The following ETS1 variants were observed in gnomAD, a reference collection of about 807,000 sequenced individuals.
ETS1 encodes ETS proto-oncogene 1, transcription factor, also known as protein C-ets-1.
Under a neutral mutation model 58.6 loss-of-function variants are expected in ETS1, and 15 were observed. That is an observed-to-expected ratio of 0.26 (90% CI 0.17 to 0.39). The LOEUF is 0.39. Ranked by LOEUF, ETS1 falls within the 10% of genes least tolerant of loss-of-function variation. The probability of loss-of-function intolerance (pLI) is 1.00; values close to 1 mark genes in which losing one functional copy is unlikely to be tolerated. For missense variants in ETS1, 417 were observed against 610.5 expected (o/e 0.68, Z 3.34); for synonymous variants, 214 against 218.2 (o/e 0.98, Z 0.17).
chr11:128,527,847 C>T (rs554750858), intron 3 of ETS1, among the ~76,000 whole-genome samples: 3 of 152,340 alleles, frequency 2.0e-5, no homozygotes, highest in African/African-American at 7.2e-5. Flanking sequence ...ATGTTCTCTG[C>T]AGTTGTGGTT....
intron 3 of ETS1, among the ~76,000 whole-genome samples, chr11:128,515,355 C>T (rs1272744813): frequency 1.3e-5 from 2 of 152,088 alleles, no homozygotes; most frequent in Non-Finnish European, 2.9e-5. Flanking sequence ...ATCACAGCTA[C>T]CCAAAGCTAC....
At chr11:128,472,850 T>G (rs1288043632) in intron 8 of ETS1, among the ~76,000 whole-genome samples, 3 of 152,216 alleles carry the variant, frequency 2.0e-5, no homozygotes, top group Non-Finnish European at 4.4e-5. Context: ...TCGCTGCCTT[T>G]TTTTCCTTCA....
rs1027488141 is a variant in ETS1 at position 128,575,908 on chromosome 11, A to G, written c.-14-2764T>C. ...AATTGGCAGCCACATCCTGAAGCCC[A>G]CCTCAAAGATACCAAGGGTTTCTGT... On this transcript the variant is annotated intron_variant, in intron 1 of 9. Coordinates refer to ENST00000392668, the MANE Select transcript of ETS1 (RefSeq NM_001143820.2). Among the ~76,000 whole-genome samples the G allele has an allele frequency of 8.5e-5, 13 of 152,308 alleles. No individual in the cohort carries two copies. The East Asian group carries it at 9.6e-4, about 11-fold the overall frequency.
chr11:128,461,155 G>C lies in ETS1; in HGVS notation c.*1206C>G, dbSNP rs1315923858. On this transcript the variant is annotated 3_prime_UTR_variant, in exon 10 of 10. Transcript: ENST00000392668. ...ACTGAATAACAGAGTTGGCGGTGAGGGGGTGCAAAAAATGGAGGACTCTTG... is the reference window on the plus strand; with the variant it reads ...ACTGAATAACAGAGTTGGCGGTGAGCGGGTGCAAAAAATGGAGGACTCTTG... The C allele has an allele frequency of 1.3e-5, 2 of 152,506 alleles. No individual in the cohort carries two copies. Among genetic ancestry groups the C allele is most frequent in the Non-Finnish European group, 2.9e-5 (2 of 67,984 alleles). 9.4% of individuals were successfully genotyped at this position (152,506 alleles called of 1,614,324 possible).
intron 3 of ETS1, among the ~76,000 whole-genome samples, chr11:128,520,582 T>C (rs1345532418): frequency 2.6e-5 from 4 of 152,242 alleles, no homozygotes; most frequent in Admixed American, 2.6e-4. Context: ...ATTTCTGAAT[T>C]GTAGGCCTAA....
chr11:128,541,244 G>C (rs1440987592), intron 3 of ETS1, among the ~76,000 whole-genome samples: 3 of 152,190 alleles, frequency 2.0e-5, no homozygotes, highest in Non-Finnish European at 2.9e-5. Context: ...ACACTTCATA[G>C]CCCCAACGCC....
chr11:128,533,809 T>A (rs908577638), intron 3 of ETS1, among the ~76,000 whole-genome samples: 1 of 152,260 alleles, frequency 6.6e-6, no homozygotes. Flanking sequence ...AGCAATCATA[T>A]TCTACTTAAA....
chr11:128,577,915 C>CA (rs543543374), intron 1 of ETS1, among the ~76,000 whole-genome samples: 55,436 of 133,558 alleles, frequency 0.42, 11,012 homozygotes, highest in Non-Finnish European at 0.46. Context: ...GCCAAAAAGC[C>CA]AAAAAAAAAA....
chr11:128,496,269 G>A (rs988094934), intron 3 of ETS1, among the ~76,000 whole-genome samples: 1 of 152,028 alleles, frequency 6.6e-6, no homozygotes, highest in Non-Finnish European at 1.5e-5. Flanking sequence ...AAGTGCCAAT[G>A]TTGGATCACA....
chr11:128,558,878 A>G (rs1456264388), intron 2 of ETS1, among the ~76,000 whole-genome samples: 3 of 152,196 alleles, frequency 2.0e-5, no homozygotes, highest in Non-Finnish European at 4.4e-5. Context: ...AGTCTTATAA[A>G]TCAAGCCTTG....
chr11:128,559,181 C>T (rs1433645104), intron 2 of ETS1, among the ~76,000 whole-genome samples: 3 of 152,096 alleles, frequency 2.0e-5, no homozygotes, highest in Admixed American at 6.5e-5. Flanking sequence ...AACCTGAATT[C>T]GGATTTAAAA....
At chr11:128,571,481 G>A (rs146068307) in intron 2 of ETS1, among the ~76,000 whole-genome samples, 2,527 of 91,502 alleles carry the variant, frequency 0.028, 135 homozygotes, top group African/African-American at 0.12. Flanking sequence ...TCCAGCCTGG[G>A]CGACAGAGCA....
At chr11:128,522,042 C>G (rs61907765) in intron 3 of ETS1, 1 of 1,527,390 alleles carries the variant, frequency 6.5e-7, no homozygotes. Context: ...TTTGCAGTTA[C>G]TGTTGTTTTT....
intron 3 of ETS1, among the ~76,000 whole-genome samples, chr11:128,519,702 T>C (rs1863613473): frequency 6.6e-6 from 1 of 152,224 alleles, no homozygotes; most frequent in African/African-American, 2.4e-5. Flanking sequence ...TCTTGCAACA[T>C]TACTCAAAGC....
intron 3 of ETS1, among the ~76,000 whole-genome samples, chr11:128,510,846 C>T (rs1038416078): frequency 2.0e-5 from 3 of 152,250 alleles, no homozygotes; most frequent in African/African-American, 7.2e-5. Context: ...GATGGAAAAC[C>T]CGTCATTTGA....
chr11:128,547,515 A>G (rs1864150405), intron 3 of ETS1, among the ~76,000 whole-genome samples: 1 of 152,250 alleles, frequency 6.6e-6, no homozygotes. Flanking sequence ...TGGCAAAGGC[A>G]ACTGGAACTC....
intron 6 of ETS1, 133 bp downstream of exon 6, chr11:128,485,936 C>G (rs748563043): frequency 3.4e-5 from 21 of 620,592 alleles, no homozygotes; most frequent in Non-Finnish European, 5.2e-5. Context: ...AATAAAGTAA[C>G]AAAGAAGAGT....
intron 3 of ETS1, among the ~76,000 whole-genome samples, chr11:128,538,755 TACACAC>T (rs141065992): frequency 0.017 from 2,450 of 144,936 alleles, 61 homozygotes; most frequent in African/African-American, 0.057. Context: ...CATACACACA[TACACAC>T]ACACACACAC....
intron 3 of ETS1, among the ~76,000 whole-genome samples, chr11:128,518,671 G>A (rs1337039622): frequency 2.0e-5 from 3 of 152,164 alleles, no homozygotes; most frequent in Admixed American, 2.0e-4. Context: ...TGGTCGGCGG[G>A]GATCTGGGAG....
Sources: gnomAD v4.1 joint callset for allele counts (sites outside exome capture counted in the v4.1 genomes callset) on GRCh38, gnomAD v4.1.1 for gene constraint, MANE v1.5 for transcripts, NCBI Gene and HGNC (gene_info 2026-07-23, HGNC 2026-07-21) for gene names.